PSMB5: variants seen among roughly 807,000 people sequenced by gnomAD.
PSMB5 encodes proteasome 20S subunit beta 5, also known as proteasome subunit beta type-5.
PSMB5 carries 2 observed loss-of-function variants against 22.8 expected under a neutral mutation model. The observed-to-expected ratio is 0.09, with a 90% confidence interval of 0.04 to 0.28. PSMB5 has a LOEUF of 0.28. Among genes scored for constraint, PSMB5 ranks in the 10% least tolerant of loss-of-function variants. PSMB5 has a pLI of 1.00. For missense variants in PSMB5, 269 were observed against 343.8 expected (o/e 0.78, Z 1.72); for synonymous variants, 133 against 135.3 (o/e 0.98, Z 0.12).
chr14:23,027,317 C>G (rs1429472088), intron 2 of PSMB5, among the ~76,000 whole-genome samples: 2 of 141,406 alleles, frequency 1.4e-5, no homozygotes, highest in Admixed American at 7.2e-5. Flanking sequence ...GGAGGCGGAG[C>G]TTGCGGTGAG....
rs757661830 is a variant in PSMB5, at chr14:23,033,371, G to A, written c.502C>T (p.Pro168Ser). 4 of 1,606,826 alleles carry A rather than the reference G, an allele frequency of 2.5e-6. No homozygotes were observed. Among genetic ancestry groups the A allele is most frequent in the Admixed American group, 1.7e-5 (1 of 59,920 alleles). Residue 168 changes from proline to serine, a missense_variant, in exon 2 of 3, where the codon CCT (proline) becomes TCT (serine). By Grantham distance (74) the Pro-to-Ser change is moderately conservative. Coordinates refer to ENST00000361611, the MANE Select transcript of PSMB5 (RefSeq NM_002797.5). Reference sequence around the variant, plus strand: ...ATGTGGTTGCAGCTTAACTCACCAGGGCCTCTCTTATCCCAGCCACAGATC... The same window carrying A: ...ATGTGGTTGCAGCTTAACTCACCAGAGCCTCTCTTATCCCAGCCACAGATC... ...TMICGWDKRG[P>S]GLYYVDSEGN... is the part of the protein sequence containing the mutation.
At chr14:23,027,608 A>T in intron 2 of PSMB5, 1 of 563,100 alleles carries the variant, frequency 1.8e-6, no homozygotes, top group Non-Finnish European at 3.1e-6. Context: ...TAATCACACC[A>T]CCACACTCCA....
At chr14:23,027,709 A>G (rs1011009972) in intron 2 of PSMB5, 1 of 1,442,052 alleles carries the variant, frequency 6.9e-7, no homozygotes, top group Non-Finnish European at 9.5e-7. Context: ...ATTCTACAAC[A>G]TACCACCCCA....
upstream of PSMB5, chr14:23,035,058 A>AG (rs17115320): frequency 1.7e-3 from 2,200 of 1,294,522 alleles, 72 homozygotes; most frequent in East Asian, 0.052. Flanking sequence ...TTTTCACTGA[A>AG]GGGGGTCGGG....
At position 23,034,692 on chromosome 14, in the gene PSMB5, C is replaced by T. The variant is rs2046978648; in HGVS notation, c.190G>A (p.Ala64Thr). 1.2e-6 allele frequency: 2 copies of T among 1,614,072 alleles called. No homozygotes were observed. The highest frequency in any genetic ancestry group is 1.1e-5 in the South Asian group (1 of 91,080). Reference protein sequence around the residue: ...IEMLHGTTTLAFKFRHGVIVA... With the variant: ...IEMLHGTTTLTFKFRHGVIVA... The stretch of plus-strand genomic sequence containing the variant: ...GGGGGCTGGCTCCACACCTTGAAGG[C>T]CAGGGTGGTTGTTCCATGAAGCATT... The change falls in exon 1 of 3, where the codon GCC becomes ACC. Residue 64 changes from alanine (A) to threonine (T), a missense_variant. Physicochemically the swap from Ala to Thr is moderately conservative, Grantham distance 58. Coordinates refer to ENST00000361611, the MANE Select transcript of PSMB5 (RefSeq NM_002797.5).
chr14:23,026,121 G>C lies in PSMB5; in HGVS notation c.760C>G (p.Leu254Val), dbSNP rs558713731. 8 of 1,614,158 alleles carry C rather than the reference G, an allele frequency of 5.0e-6. No homozygotes were observed. In the East Asian group the frequency reaches 1.8e-4, roughly 36 times the overall value. ...IRVSSDNVAD[L>V]HEKYSGSTP ...GTAGAGCCACTATACTTCTCATGTA[G>C]ATCAGCCACATTGTCACTGGAGACT... is the stretch of plus-strand genomic sequence containing the variant. The change falls in exon 3 of 3, where the codon CTA becomes GTA. Residue 254 changes from leucine (L) to valine (V), a missense_variant. Around this residue, in one of 3 missense-constraint regions of PSMB5, gnomAD observed 113 missense variants for 130.2 expected, o/e 0.87. Coordinates refer to ENST00000361611, the MANE Select transcript of PSMB5 (RefSeq NM_002797.5).
Position 23,025,952 on chromosome 14 carries a change from A to C in PSMB5, c.*137T>G. On this transcript the variant is annotated 3_prime_UTR_variant, in exon 3 of 3. Coordinates refer to ENST00000361611, the MANE Select transcript of PSMB5 (RefSeq NM_002797.5). The stretch of plus-strand genomic sequence containing the variant: ...AATGACTGGTAACACATAGAGGTCA[A>C]TGTGCCAGAGCTTAAAAAAAAGTAC... 1 of 1,500,666 alleles carries C rather than the reference A, an allele frequency of 6.7e-7. No homozygotes were observed. The highest frequency in any genetic ancestry group is 8.9e-7 in the Non-Finnish European group (1 of 1,129,272). 93.0% of individuals were successfully genotyped at this position (1,500,666 alleles called of 1,614,324 possible).
chr14:23,034,040 G>A (rs1415872173), intron 1 of PSMB5, among the ~76,000 whole-genome samples: 1 of 151,526 alleles, frequency 6.6e-6, no homozygotes, highest in Non-Finnish European at 1.5e-5. Flanking sequence ...TCGTGGTGGT[G>A]TGTGCCTATA....
chr14:23,026,025 C>G lies in PSMB5; in HGVS notation c.*64G>C. The stretch of plus-strand genomic sequence containing the variant: ...ACTATAAATAGGATGGAGGATGGGT[C>G]ACTGTGTCCGTATTACCAATGACAG... On this transcript the variant is annotated 3_prime_UTR_variant, in exon 3 of 3. Coordinates refer to ENST00000361611, the MANE Select transcript of PSMB5 (RefSeq NM_002797.5). 6.3e-7 allele frequency: 1 copy of G among 1,582,692 alleles called. No homozygotes were observed. Among genetic ancestry groups the G allele is most frequent in the Non-Finnish European group, 8.6e-7 (1 of 1,162,276 alleles).
chr14:23,034,533 A>G, intron 1 of PSMB5, 151 bp downstream of exon 1: 1 of 894,102 alleles, frequency 1.1e-6, no homozygotes. Context: ...TCCTGGGCCA[A>G]TGAGACAGCA....
upstream of PSMB5, chr14:23,035,023 A>C (rs1321355246): frequency 7.0e-7 from 1 of 1,423,070 alleles, no homozygotes; most frequent in Non-Finnish European, 9.2e-7. Flanking sequence ...CGCCTCCAAA[A>C]AGAAGAGCCA....
Position 23,027,006 on chromosome 14 carries a change from T to C in PSMB5, c.506-631A>G, listed in dbSNP as rs187106310. ...CTGATGCAGGAGAATCACTTGAACC[T>C]GGGAGGCAAAGGTTGCGGTAAGCCA... On this transcript the variant is annotated intron_variant, in intron 2 of 2. Coordinates refer to ENST00000361611, the MANE Select transcript of PSMB5 (RefSeq NM_002797.5). Among the ~76,000 whole-genome samples, 30 of 149,332 alleles carry C rather than the reference T, an allele frequency of 2.0e-4. 1 individual carries two copies. The East Asian group carries it at 6.1e-3, about 30-fold the overall frequency.
At chr14:23,030,381 C>T (rs1033794616) in intron 2 of PSMB5, among the ~76,000 whole-genome samples, 7 of 151,556 alleles carry the variant, frequency 4.6e-5, no homozygotes, top group Non-Finnish European at 1.0e-4. Context: ...CCCAGCTACT[C>T]GGGAGGCTGA....
At chr14:23,030,032 C>T (rs1188432019) in intron 2 of PSMB5, among the ~76,000 whole-genome samples, 2 of 152,016 alleles carry the variant, frequency 1.3e-5, no homozygotes, top group Non-Finnish European at 1.5e-5. Context: ...CCGCCCGCCT[C>T]GGCCTCCCAA....
intron 2 of PSMB5, among the ~76,000 whole-genome samples, chr14:23,028,118 G>A (rs2046929411): frequency 1.3e-5 from 2 of 151,512 alleles, no homozygotes. Context: ...ACTCCAGCCT[G>A]GGCAACAAGA....
rs1324084901 is a variant in PSMB5 at position 23,030,024 on chromosome 14, G to A, written c.505+3344C>T. Among the ~76,000 whole-genome samples the A allele has an allele frequency of 5.3e-5, 8 of 151,648 alleles. No homozygotes were observed. The South Asian group carries it at 6.3e-4, about 12-fold the overall frequency. Reference sequence around the variant, plus strand: ...TCTCGATCTCCTGGCCTCGTGATCCGCCCGCCTCGGCCTCCCAATAATTTT... The same window carrying A: ...TCTCGATCTCCTGGCCTCGTGATCCACCCGCCTCGGCCTCCCAATAATTTT... On this transcript the variant is annotated intron_variant, in intron 2 of 2. Transcript: ENST00000361611.
rs1354480343 is a variant in PSMB5, at chr14:23,034,845, C to A, written c.37G>T (p.Val13Leu). ...LASVLERPLP[V>L]NQRGFFGLGG... ...AGTCCGAAAAACCCGCGCTGGTTCA[C>A]CGGTAGCGGTCTCTCCAACACGCTG... The change falls in exon 1 of 3, where the codon GTG (valine) becomes TTG (leucine). Residue 13 changes from valine (V) to leucine (L), a missense_variant. Transcript: ENST00000361611. 2 of 1,614,238 alleles carry A rather than the reference C, an allele frequency of 1.2e-6. No homozygotes were observed. The highest frequency in any genetic ancestry group is 1.6e-4 in the Middle Eastern group (1 of 6,062).
At chr14:23,030,765 A>G (rs1294340660) in intron 2 of PSMB5, among the ~76,000 whole-genome samples, 4 of 151,818 alleles carry the variant, frequency 2.6e-5, no homozygotes, top group African/African-American at 9.7e-5. Flanking sequence ...TGTCTCTACT[A>G]AAAATACAAA....
At chr14:23,034,127 A>G (rs1040817506) in intron 1 of PSMB5, among the ~76,000 whole-genome samples, 4 of 145,756 alleles carry the variant, frequency 2.7e-5, no homozygotes, top group African/African-American at 1.0e-4. Context: ...CCCTGTTTCA[A>G]AAAAAAAAAA....
Sources: allele counts gnomAD v4.1 joint callset (sites outside exome capture counted in the v4.1 genomes callset), GRCh38; gene constraint gnomAD v4.1.1; regional missense constraint gnomAD v4.1.1; transcripts MANE v1.5; gene names NCBI Gene and HGNC (gene_info 2026-07-23, HGNC 2026-07-21).